The following PCNX2 variants were observed in gnomAD, a reference collection of about 807,000 sequenced individuals.
The protein encoded by PCNX2 is pecanex-like protein 2.
Under a neutral mutation model 223.8 loss-of-function variants are expected in PCNX2, and 168 were observed. The ratio of observed to expected loss-of-function variants is 0.75; its 90% CI spans 0.66 to 0.85. The LOEUF (loss-of-function observed/expected upper bound fraction) is 0.85, where lower values mean the gene tolerates loss of function less well. PCNX2 is among the 40% of genes least tolerant of loss of function. The pLI, the probability that PCNX2 is intolerant of heterozygous loss-of-function variation, is 0.00. For missense variants in PCNX2, 2,507 were observed against 2,675.5 expected (o/e 0.94, Z 1.39); for synonymous variants, 1,006 against 1,052.6 (o/e 0.96, Z 0.86).
chr1:233,120,336 C>T (rs2102734439), intron 21 of PCNX2, among the ~76,000 whole-genome samples: 1 of 151,960 alleles, frequency 6.6e-6, no homozygotes, highest in East Asian at 1.9e-4. Context: ...AGACTAAGCA[C>T]CTAAACAATA....
rs1474005032 is a variant in PCNX2, at chr1:232,999,152, G to A, written c.5556C>T (p.Pro1852=). The A allele has an allele frequency of 6.2e-7, 1 of 1,613,738 alleles. No individual in the cohort carries two copies. Among genetic ancestry groups the A allele is most frequent in the Non-Finnish European group, 8.5e-7 (1 of 1,179,748 alleles). ...AGGTCCTAATTCTGTCCAAAGTGAT[G>A]GGTCCACCCCAGATGTTCTTCAGCT... is the stretch of plus-strand genomic sequence containing the variant. ...HRQLKNIWGG[P]ITLDRIRTWF... The change falls in exon 31 of 34, where the codon CCC becomes CCT. Residue 1852 remains proline, a synonymous_variant. Coordinates refer to ENST00000258229, the MANE Select transcript of PCNX2 (RefSeq NM_014801.4).
At chr1:233,170,049 T>G (rs1260866601) in intron 17 of PCNX2, among the ~76,000 whole-genome samples, 1 of 152,246 alleles carries the variant, frequency 6.6e-6, no homozygotes, top group East Asian at 1.9e-4. Flanking sequence ...TTAGCTGTAA[T>G]AAGTTTATTT....
intron 1 of PCNX2, among the ~76,000 whole-genome samples, chr1:233,263,890 A>AG (rs1465807394): frequency 6.6e-6 from 1 of 152,190 alleles, no homozygotes; most frequent in Non-Finnish European, 1.5e-5. Context: ...AGGAAAAAGA[A>AG]GGGAGAAAGG....
At chr1:233,230,820 A>G (rs1658017785) in intron 9 of PCNX2, among the ~76,000 whole-genome samples, 1 of 152,182 alleles carries the variant, frequency 6.6e-6, no homozygotes, top group Non-Finnish European at 1.5e-5. Flanking sequence ...TTATCAGTAT[A>G]TTCTTCTTAA....
intron 9 of PCNX2, among the ~76,000 whole-genome samples, chr1:233,229,121 G>C (rs897126519): frequency 1.3e-5 from 2 of 152,162 alleles, no homozygotes; most frequent in South Asian, 4.1e-4. Context: ...ATGTCAAAGT[G>C]CCTGGCATGC....
chr1:233,092,913 C>G (rs564260264), intron 22 of PCNX2, among the ~76,000 whole-genome samples: 1 of 152,284 alleles, frequency 6.6e-6, no homozygotes, highest in East Asian at 1.9e-4. Context: ...ATTCTCTTGC[C>G]TCAGCCTCCC....
intron 28 of PCNX2, among the ~76,000 whole-genome samples, chr1:233,002,896 C>A (rs982058704): frequency 2.0e-5 from 3 of 152,124 alleles, no homozygotes; most frequent in African/African-American, 7.2e-5. Context: ...CAAAAACAAG[C>A]AATGGGGAAA....
intron 1 of PCNX2, among the ~76,000 whole-genome samples, chr1:233,275,784 C>T (rs192506647): frequency 2.2e-3 from 338 of 151,906 alleles, no homozygotes; most frequent in African/African-American, 7.6e-3. Context: ...GTAATCCCAG[C>T]ACTTTGTGAG....
At chr1:233,124,240 C>T (rs554491629) in intron 21 of PCNX2, among the ~76,000 whole-genome samples, 3 of 152,250 alleles carry the variant, frequency 2.0e-5, no homozygotes, top group South Asian at 2.1e-4. Flanking sequence ...TACTTTCTTA[C>T]GGATGGGATG....
chr1:233,255,190 T>C (rs979394224), intron 5 of PCNX2, among the ~76,000 whole-genome samples: 4 of 152,084 alleles, frequency 2.6e-5, no homozygotes, highest in Non-Finnish European at 4.4e-5. Context: ...CCATAATAAT[T>C]AGCCCGAAAT....
At chr1:233,273,296 C>CA (rs1245479820) in intron 1 of PCNX2, among the ~76,000 whole-genome samples, 1 of 151,696 alleles carries the variant, frequency 6.6e-6, no homozygotes, top group Non-Finnish European at 1.5e-5. Flanking sequence ...TTCTGCTTAA[C>CA]AAACAAGCAG....
the PCNX2 span, among the ~76,000 whole-genome samples, chr1:233,309,549 T>C: frequency 8.5e-6 from 1 of 117,508 alleles, no homozygotes. Flanking sequence ...AAAAAAATAA[T>C]AATAATAATA....
At chr1:233,233,645 C>T (rs961980258) in intron 9 of PCNX2, among the ~76,000 whole-genome samples, 1 of 152,052 alleles carries the variant, frequency 6.6e-6, no homozygotes, top group Admixed American at 6.6e-5. Flanking sequence ...TGCAGAATTC[C>T]ATCCTTTACT....
intron 30 of PCNX2, among the ~76,000 whole-genome samples, chr1:232,999,953 G>T (rs1331472406): frequency 6.6e-6 from 1 of 152,204 alleles, no homozygotes; most frequent in Non-Finnish European, 1.5e-5. Flanking sequence ...TCGGATCCAG[G>T]AATGGTTTAT....
chr1:233,284,938 C>T, intron 1 of PCNX2: 1 of 983,112 alleles, frequency 1.0e-6, no homozygotes, highest in Non-Finnish European at 1.2e-6. Context: ...GCAAGTAATG[C>T]TCCCAGTCAA....
intron 20 of PCNX2, among the ~76,000 whole-genome samples, chr1:233,137,447 T>C (rs1460640871): frequency 6.6e-6 from 1 of 152,256 alleles, no homozygotes; most frequent in Non-Finnish European, 1.5e-5. Flanking sequence ...ATTGTTTGTA[T>C]TAATCTTTCC....
chr1:233,063,174 T>C (rs1399636594), intron 23 of PCNX2, among the ~76,000 whole-genome samples: 2 of 152,146 alleles, frequency 1.3e-5, no homozygotes, highest in Non-Finnish European at 1.5e-5. Context: ...GAGGCGAGGC[T>C]GCAGTGAGCC....
At chr1:233,235,957 A>AAATATATATATATATATAT (rs369886650) in intron 9 of PCNX2, among the ~76,000 whole-genome samples, 54 of 93,076 alleles carry the variant, frequency 5.8e-4, no homozygotes, top group Middle Eastern at 7.9e-3. Context: ...CATAAAAAAA[A>AAATATATATATATATATAT]ATATATATAT....
At position 233,139,684 on chromosome 1, in the gene PCNX2, CATT is replaced by C. The variant is rs761303070; in HGVS notation, c.3659+27_3659+29del. ...TCGATTTTGAAAATGTGACCCAAAT[CATT>C]ATGAAGATAAACCATTAACCACTTA... On this transcript the variant is annotated intron_variant, in intron 20 of 33. Transcript: ENST00000258229. The surrounding 1 kb of genome is among the most constrained non-coding windows in gnomAD (Gnocchi z 4.4). 1.3e-6 allele frequency: 2 copies of C among 1,554,932 alleles called. No homozygotes were observed. Among genetic ancestry groups the C allele is most frequent in the Admixed American group, 3.9e-5 (2 of 50,802 alleles).
Sources: allele counts gnomAD v4.1 joint callset (sites outside exome capture counted in the v4.1 genomes callset), GRCh38; gene constraint gnomAD v4.1.1; non-coding constraint Gnocchi (gnomAD v3.1); transcripts MANE v1.5; gene names NCBI Gene and HGNC (gene_info 2026-07-23, HGNC 2026-07-21).